The following FOXO3 variants were observed in gnomAD, a reference collection of about 807,000 sequenced individuals.
FOXO3 encodes the protein forkhead box O3.
A neutral mutation model predicts 41.9 loss-of-function variants in FOXO3; 4 were observed. The observed-to-expected ratio is 0.10, with a 90% CI of 0.05 to 0.22. FOXO3 has a LOEUF of 0.22. Among genes scored for constraint, FOXO3 ranks in the 10% least tolerant of loss-of-function variants. The pLI is 1.00. For missense variants in FOXO3, 534 were observed against 906.8 expected (o/e 0.59, Z 5.28); for synonymous variants, 318 against 389.3 (o/e 0.82, Z 2.16).
chr6:108,618,059 C>G, intron 1 of FOXO3: 1 of 710,584 alleles, frequency 1.4e-6, no homozygotes, highest in African/African-American at 1.7e-5. Flanking sequence ...TTCTCCATTT[C>G]CAACTGTACA....
chr6:108,576,235 CCCTTA>C (rs1397445785), intron 1 of FOXO3, among the ~76,000 whole-genome samples: 1 of 152,166 alleles, frequency 6.6e-6, no homozygotes, highest in Non-Finnish European at 1.5e-5. Flanking sequence ...TAGTCTCCTC[CCCTTA>C]CAAGAAAGAT....
At chr6:108,645,726 A>G (rs750058541) in intron 1 of FOXO3, among the ~76,000 whole-genome samples, 10 of 152,230 alleles carry the variant, frequency 6.6e-5, no homozygotes, top group Non-Finnish European at 8.8e-5. Flanking sequence ...CAGGGTAGGT[A>G]TAGAATATAG....
chr6:108,612,701 A>T (rs551466458), intron 1 of FOXO3, among the ~76,000 whole-genome samples: 229 of 151,662 alleles, frequency 1.5e-3, no homozygotes, highest in African/African-American at 4.8e-3. Flanking sequence ...TAAAAAAAAA[A>T]TTTTTTTTCT....
Position 108,561,842 on chromosome 6 carries a change from C to A in FOXO3, c.621+13C>A, listed in dbSNP as rs762529857. 1 of 1,525,536 alleles carries A rather than the reference C, an allele frequency of 6.6e-7. No homozygotes were observed. Among genetic ancestry groups the A allele is most frequent in the Non-Finnish European group, 8.8e-7 (1 of 1,136,948 alleles). 94.5% of individuals were successfully genotyped at this position (1,525,536 alleles called of 1,614,324 possible). On this transcript the variant is annotated intron_variant, in intron 1 of 2. Transcript: ENST00000406360. ...TGCCGGCTGGAAGGTGCGTACCCAC[C>A]CCGGGCTGGCAGCAGGACCCGCCGG...
intron 1 of FOXO3, among the ~76,000 whole-genome samples, chr6:108,646,874 G>C (rs764147919): frequency 1.6e-4 from 25 of 152,138 alleles, no homozygotes; most frequent in African/African-American, 3.4e-4. Context: ...CACATGCCAG[G>C]CATCTCCAAC....
chr6:108,560,214 G>T (rs1562222905), upstream of FOXO3, among the ~76,000 whole-genome samples: 1 of 152,226 alleles, frequency 6.6e-6, no homozygotes, highest in Non-Finnish European at 1.5e-5. Context: ...GGTGATGAAC[G>T]TGCTGGTCCG....
At chr6:108,567,227 GC>G (rs1775971587) in intron 1 of FOXO3, among the ~76,000 whole-genome samples, 1 of 152,182 alleles carries the variant, frequency 6.6e-6, no homozygotes, top group African/African-American at 2.4e-5. Context: ...GTGGGGCATG[GC>G]TTGGAGCTAG....
At chr6:108,568,379 G>A (rs118045038) in intron 1 of FOXO3, among the ~76,000 whole-genome samples, 2 of 152,060 alleles carry the variant, frequency 1.3e-5, no homozygotes, top group African/African-American at 4.8e-5. Flanking sequence ...AGGCTAGCTC[G>A]CACTGGAGTC....
chr6:108,647,649 C>T (rs1223111227), intron 1 of FOXO3, among the ~76,000 whole-genome samples: 3 of 152,238 alleles, frequency 2.0e-5, no homozygotes, highest in East Asian at 1.9e-4. Flanking sequence ...TTCAGAGGTA[C>T]TAGACATGTA....
intron 2 of FOXO3, among the ~76,000 whole-genome samples, chr6:108,677,449 A>C (rs2128392777): frequency 6.6e-6 from 1 of 152,250 alleles, no homozygotes. Context: ...GGCCCAGCCC[A>C]CATTGGAGCA....
chr6:108,636,334 G>A (rs1312905577), intron 1 of FOXO3, among the ~76,000 whole-genome samples: 4 of 152,084 alleles, frequency 2.6e-5, no homozygotes, highest in African/African-American at 7.2e-5. Context: ...CACTTCTTTG[G>A]CATTTATTCA....
At chr6:108,562,401 C>T (rs950137121) in intron 1 of FOXO3, among the ~76,000 whole-genome samples, 1 of 152,030 alleles carries the variant, frequency 6.6e-6, no homozygotes. Context: ...GGTTGCAAAC[C>T]TTTTCCTGGA....
intron 2 of FOXO3, among the ~76,000 whole-genome samples, chr6:108,666,399 G>A (rs1178497665): frequency 4.0e-5 from 6 of 151,442 alleles, no homozygotes; most frequent in Admixed American, 6.6e-5. Context: ...ACAGTGGCGC[G>A]ATCTCGGCTC....
chr6:108,645,597 A>G (rs565146358), intron 1 of FOXO3, among the ~76,000 whole-genome samples: 52 of 152,286 alleles, frequency 3.4e-4, no homozygotes, highest in African/African-American at 1.1e-3. Flanking sequence ...CTAAAACTTC[A>G]GGGCCAGGAG....
intron 1 of FOXO3, among the ~76,000 whole-genome samples, chr6:108,594,389 A>G (rs1386590369): frequency 6.6e-6 from 1 of 152,244 alleles, no homozygotes; most frequent in African/African-American, 2.4e-5. Flanking sequence ...TAAAGAAAAC[A>G]AAACTGTGAA....
At chr6:108,666,237 GCAA>G (rs1424294516) in intron 2 of FOXO3, among the ~76,000 whole-genome samples, 9 of 152,284 alleles carry the variant, frequency 5.9e-5, no homozygotes, top group Admixed American at 5.9e-4. Context: ...TATGTACCAT[GCAA>G]CTAGGTATAC....
At chr6:108,567,426 A>G (rs1392058350) in intron 1 of FOXO3, among the ~76,000 whole-genome samples, 3 of 152,210 alleles carry the variant, frequency 2.0e-5, no homozygotes, top group East Asian at 3.8e-4. Context: ...GGCCTGATGT[A>G]GATCTGGCCT....
At chr6:108,627,153 T>A (rs1777833464) in intron 1 of FOXO3, among the ~76,000 whole-genome samples, 1 of 152,224 alleles carries the variant, frequency 6.6e-6, no homozygotes, top group Non-Finnish European at 1.5e-5. Flanking sequence ...ATTCTGATCT[T>A]ATGTGAGACC....
intron 2 of FOXO3, among the ~76,000 whole-genome samples, chr6:108,665,260 C>T (rs1190100050): frequency 3.9e-5 from 6 of 152,114 alleles, no homozygotes; most frequent in African/African-American, 1.4e-4. Context: ...AAGCTTGGGT[C>T]GTACTTCAGG....
Sources: gnomAD v4.1 joint callset for allele counts (sites outside exome capture counted in the v4.1 genomes callset) on GRCh38, gnomAD v4.1.1 for gene constraint, MANE v1.5 for transcripts, NCBI Gene and HGNC (gene_info 2026-07-23, HGNC 2026-07-21) for gene names.